Variants in CACNA1E observed in about 807,000 individuals in gnomAD.
The protein encoded by CACNA1E is voltage-dependent R-type calcium channel subunit alpha-1E.
Under a neutral mutation model 259.2 loss-of-function variants are expected in CACNA1E, and 40 were observed. The observed-to-expected ratio is 0.15, with a 90% CI of 0.12 to 0.20. The LOEUF (loss-of-function observed/expected upper bound fraction) is 0.20, where lower values mean the gene tolerates loss of function less well. CACNA1E is among the 10% of genes least tolerant of loss of function. The pLI is 1.00. For missense variants in CACNA1E, 1,874 were observed against 3,040.1 expected (o/e 0.62, Z 9.02); for synonymous variants, 1,104 against 1,138.5 (o/e 0.97, Z 0.61).
chr1:181,618,618 G>A (rs946576571), intron 6 of CACNA1E, among the ~76,000 whole-genome samples: 10 of 152,186 alleles, frequency 6.6e-5, no homozygotes, highest in African/African-American at 2.2e-4. Context: ...TTCAGTAGAC[G>A]AAGTGTCCTC....
chr1:181,792,819 A>G (rs1661445854), intron 44 of CACNA1E, among the ~76,000 whole-genome samples: 1 of 152,246 alleles, frequency 6.6e-6, no homozygotes, highest in Non-Finnish European at 1.5e-5. Flanking sequence ...GATACTAGCT[A>G]TCTGTATAGC....
intron 7 of CACNA1E, among the ~76,000 whole-genome samples, chr1:181,677,119 G>C (rs1205668382): frequency 1.3e-5 from 2 of 152,024 alleles, no homozygotes; most frequent in Non-Finnish European, 2.9e-5. Flanking sequence ...CCTGTAATAG[G>C]GTAGGACTGG....
chr1:181,511,259 C>T, intron 2 of CACNA1E, 112 bp from the exon 3 acceptor site: 1 of 1,283,278 alleles, frequency 7.8e-7, no homozygotes, highest in Non-Finnish European at 1.1e-6. Flanking sequence ...TTCCCACCTA[C>T]ACATGGGCAG....
At position 181,785,430 on chromosome 1, in the gene CACNA1E, T is replaced by C; in HGVS notation, c.5679+12T>C. ...AGCTGGAGGAACAGGTGAAAGTCAA[T>C]GCCAGCATGCTAAGTGGGTGGGCCA... On this transcript the variant is annotated intron_variant, in intron 42 of 47. Transcript: ENST00000367573. 3 of 1,562,372 alleles carry C rather than the reference T, an allele frequency of 1.9e-6. No homozygotes were observed. Among genetic ancestry groups the C allele is most frequent in the East Asian group, 2.2e-5 (1 of 44,538 alleles).
At chr1:181,792,499 G>A (rs1661412192) in intron 44 of CACNA1E, among the ~76,000 whole-genome samples, 1 of 152,158 alleles carries the variant, frequency 6.6e-6, no homozygotes, top group South Asian at 2.1e-4. Flanking sequence ...CGTCTGTCTG[G>A]AGTCAGAACT....
intron 40 of CACNA1E, among the ~76,000 whole-genome samples, chr1:181,784,232 T>A (rs1660670840): frequency 6.6e-6 from 1 of 152,220 alleles, no homozygotes; most frequent in African/African-American, 2.4e-5. Context: ...GGTGGACCTT[T>A]AGCCTTTCTG....
intron 6 of CACNA1E, among the ~76,000 whole-genome samples, chr1:181,619,412 G>A (rs10910972): frequency 0.01 from 1,553 of 152,054 alleles, 38 homozygotes; most frequent in African/African-American, 0.036. Flanking sequence ...CCATATGGAT[G>A]GAGCTTATCA....
intron 2 of CACNA1E, among the ~76,000 whole-genome samples, chr1:181,443,616 A>G (rs1310159182): frequency 6.6e-6 from 1 of 152,226 alleles, no homozygotes; most frequent in Non-Finnish European, 1.5e-5. Flanking sequence ...CTACACAGCT[A>G]TAAAGACACA....
chr1:181,798,761 G>T lies in CACNA1E; in HGVS notation c.6869G>T (p.Gly2290Val). 1 of 1,598,876 alleles carries T rather than the reference G, an allele frequency of 6.3e-7. No individual in the cohort carries two copies. Among genetic ancestry groups the T allele is most frequent in the South Asian group, 1.1e-5 (1 of 89,808 alleles). The change falls in exon 48 of 48, where the codon GGG (glycine) becomes GTG (valine). Residue 2290 changes from glycine to valine, a missense_variant. Around this residue, in one of 14 missense-constraint regions of CACNA1E, gnomAD observed 542 missense variants for 587.2 expected, o/e 0.92. Transcript: ENST00000367573. The surrounding 1 kb of genome is among the most constrained non-coding windows in gnomAD (Gnocchi z 4.2). ...CACTATCGGCGGCGGAGGCGCGGGG[G>T]GCCTGGGCCAGGCATGATGTGTGGG... The part of the protein sequence containing the change: ...NGHYRRRRRG[G>V]PGPGMMCGAV...
At chr1:181,559,698 G>T (rs535407672) in intron 3 of CACNA1E, among the ~76,000 whole-genome samples, 1 of 152,212 alleles carries the variant, frequency 6.6e-6, no homozygotes, top group South Asian at 2.1e-4. Context: ...TTTTCACGGA[G>T]TGAGGAGGAC....
At position 181,674,945 on chromosome 1, in the gene CACNA1E, A is replaced by G. The variant is rs189697881; in HGVS notation, c.1055+23504A>G. Among the ~76,000 whole-genome samples the G allele has an allele frequency of 3.3e-5, 5 of 152,294 alleles. No homozygotes were observed. The East Asian group carries it at 9.6e-4, about 29-fold the overall frequency. On this transcript the variant is annotated intron_variant, in intron 7 of 47. Coordinates refer to ENST00000367573, the MANE Select transcript of CACNA1E (RefSeq NM_001205293.3). ...TTCAGGCTCTCTCATTCCTGTTTCG[A>G]TTCCTTTTCCCTCTCTGTCTCACCT... is the stretch of plus-strand genomic sequence containing the variant.
At chr1:181,752,846 T>G (rs1033288432) in intron 27 of CACNA1E, among the ~76,000 whole-genome samples, 1 of 152,154 alleles carries the variant, frequency 6.6e-6, no homozygotes, top group African/African-American at 2.4e-5. Context: ...GATTTCTCCT[T>G]GTCTAATATG....
chr1:181,547,683 G>T (rs1647641827), intron 3 of CACNA1E, among the ~76,000 whole-genome samples: 1 of 152,240 alleles, frequency 6.6e-6, no homozygotes, highest in Non-Finnish European at 1.5e-5. Flanking sequence ...ATCAACAGCG[G>T]CGGAGATGCA....
At chr1:181,586,058 A>T (rs957819361) in intron 6 of CACNA1E, among the ~76,000 whole-genome samples, 11 of 152,226 alleles carry the variant, frequency 7.2e-5, no homozygotes, top group African/African-American at 2.7e-4. Flanking sequence ...AAAAAATGAT[A>T]GAGGCTTGGG....
intron 3 of CACNA1E, among the ~76,000 whole-genome samples, chr1:181,542,373 G>A (rs575787077): frequency 2.6e-5 from 4 of 152,312 alleles, no homozygotes; most frequent in South Asian, 4.1e-4. Flanking sequence ...CTTAACAACA[G>A]ACTTGACTTG....
At position 181,766,310 on chromosome 1, in the gene CACNA1E, C is replaced by T. The variant is rs140778995; in HGVS notation, c.4816-236C>T. On this transcript the variant is annotated intron_variant, in intron 34 of 47. Coordinates refer to ENST00000367573, the MANE Select transcript of CACNA1E (RefSeq NM_001205293.3). Reference sequence around the variant, plus strand: ...CTACATTTATGGGTGAGTGAATCTCCCTGATAGAGGTAAATTTTAAGCCTC... The same window carrying T: ...CTACATTTATGGGTGAGTGAATCTCTCTGATAGAGGTAAATTTTAAGCCTC... Among the ~76,000 whole-genome samples the T allele has an allele frequency of 1.7e-3, 256 of 152,250 alleles. 1 individual carries two copies. The highest frequency in any genetic ancestry group is 5.9e-3 in the African/African-American group (247 of 41,534).
intron 35 of CACNA1E, among the ~76,000 whole-genome samples, chr1:181,768,632 T>A (rs987388734): frequency 2.0e-5 from 3 of 152,208 alleles, no homozygotes; most frequent in African/African-American, 7.2e-5. Flanking sequence ...GAAATTGTAG[T>A]CTTCACAATA....
At chr1:181,441,035 C>T (rs1660439690) in intron 2 of CACNA1E, among the ~76,000 whole-genome samples, 1 of 140,642 alleles carries the variant, frequency 7.1e-6, no homozygotes, top group Non-Finnish European at 1.5e-5. Flanking sequence ...CAGCTCTTCC[C>T]AAAGTCTGGA....
In CACNA1E at chr1:181,739,171, C is replaced by G; in HGVS notation, c.3637C>G (p.Gln1213Glu). The G allele has an allele frequency of 6.2e-7, 1 of 1,612,788 alleles. No individual in the cohort carries two copies. Residue 1213 changes from glutamine to glutamate, a missense_variant, in exon 25 of 48, where the codon CAG becomes GAG. Around this residue, in one of 14 missense-constraint regions of CACNA1E, gnomAD observed 188 missense variants for 540.6 expected, o/e 0.35. Transcript: ENST00000367573. Reference sequence around the variant, plus strand: ...GATGATAGACCAAGGCTTGATCCTGCAGGATGGGTCCTACTTCCGAGACTT... The same window carrying G: ...GATGATAGACCAAGGCTTGATCCTGGAGGATGGGTCCTACTTCCGAGACTT... ...IKMIDQGLIL[Q>E]DGSYFRDLWN...
Sources: gnomAD v4.1 joint callset for allele counts (sites outside exome capture counted in the v4.1 genomes callset) on GRCh38, gnomAD v4.1.1 for gene constraint, gnomAD v4.1.1 regional missense constraint, Gnocchi (gnomAD v3.1) non-coding constraint, MANE v1.5 for transcripts, NCBI Gene and HGNC (gene_info 2026-07-23, HGNC 2026-07-21) for gene names.